KIF13A: variants seen among roughly 807,000 people sequenced by gnomAD.
KIF13A encodes kinesin family member 13A.
In KIF13A, 79 loss-of-function variants were observed where a neutral mutation model predicts 212.2. That is an observed-to-expected ratio of 0.37 (90% CI 0.31 to 0.45). The LOEUF (loss-of-function observed/expected upper bound fraction) is 0.45. Among genes scored for constraint, KIF13A ranks in the 20% least tolerant of loss-of-function variants. The pLI is 1.00. For missense variants in KIF13A, 1,901 were observed against 2,209.0 expected (o/e 0.86, Z 2.79); for synonymous variants, 789 against 808.6 (o/e 0.98, Z 0.41).
chr6:17,922,615 A>G (rs1775174055), intron 2 of KIF13A, among the ~76,000 whole-genome samples: 2 of 151,894 alleles, frequency 1.3e-5, no homozygotes, highest in African/African-American at 4.8e-5. Flanking sequence ...ACTTAAAAAA[A>G]AAAAAAAAAG....
chr6:17,953,225 T>C (rs1778032276), intron 2 of KIF13A, among the ~76,000 whole-genome samples: 1 of 152,092 alleles, frequency 6.6e-6, no homozygotes, highest in African/African-American at 2.4e-5. Flanking sequence ...AAAAGCAGGT[T>C]AGAGAACAGT....
chr6:17,940,585 T>C (rs1202509616), intron 2 of KIF13A, among the ~76,000 whole-genome samples: 4 of 152,180 alleles, frequency 2.6e-5, no homozygotes, highest in African/African-American at 9.7e-5. Context: ...GAATTCCCTG[T>C]TCCCCTTACC....
chr6:17,762,638 T>G (rs1052597029), downstream of KIF13A, among the ~76,000 whole-genome samples: 1 of 152,216 alleles, frequency 6.6e-6, no homozygotes, highest in Non-Finnish European at 1.5e-5. Context: ...CTGGCCTTCT[T>G]GACGAACAAG....
intron 2 of KIF13A, among the ~76,000 whole-genome samples, chr6:17,966,628 T>C (rs574287879): frequency 6.6e-5 from 10 of 152,132 alleles, no homozygotes; most frequent in Non-Finnish European, 1.0e-4. Context: ...CAGTGCTTGA[T>C]GGTTTCAACA....
At chr6:17,948,596 T>C (rs1035626075) in intron 2 of KIF13A, among the ~76,000 whole-genome samples, 2 of 118,650 alleles carry the variant, frequency 1.7e-5, no homozygotes, top group Admixed American at 2.2e-4. Flanking sequence ...CAAGTCTCAC[T>C]CTGTCGTCCA....
chr6:17,980,369 G>A (rs894128730), intron 2 of KIF13A, among the ~76,000 whole-genome samples: 31 of 152,216 alleles, frequency 2.0e-4, no homozygotes, highest in African/African-American at 7.2e-4. Context: ...TCTACAAAAT[G>A]GAGGCAGGAA....
At chr6:17,936,856 T>G (rs1228952227) in intron 2 of KIF13A, among the ~76,000 whole-genome samples, 1 of 151,708 alleles carries the variant, frequency 6.6e-6, no homozygotes, top group Non-Finnish European at 1.5e-5. Context: ...AAAAAATGAG[T>G]AGCAACAACC....
intron 17 of KIF13A, among the ~76,000 whole-genome samples, chr6:17,814,233 G>A (rs1302437745): frequency 7.2e-6 from 1 of 138,456 alleles, no homozygotes; most frequent in East Asian, 2.2e-4. Context: ...TTACAGGCAT[G>A]AGCTACAGTG....
chr6:17,790,204 C>T (rs527296327), intron 25 of KIF13A, among the ~76,000 whole-genome samples: 2 of 152,254 alleles, frequency 1.3e-5, no homozygotes, highest in South Asian at 4.1e-4. Context: ...AAGTTTGAGA[C>T]CCGCCTGGGC....
Position 17,836,821 on chromosome 6 carries a change from A to C in KIF13A, c.1155+57T>G. On this transcript the variant is annotated intron_variant, in intron 11 of 38. Coordinates refer to ENST00000259711, the MANE Select transcript of KIF13A (RefSeq NM_022113.6). Reference sequence around the variant, plus strand: ...AATTGCAAATGAGCACACCCTTGCCAGTCAAATCCCGCAAGCCAGGGAACT... The same window carrying C: ...AATTGCAAATGAGCACACCCTTGCCCGTCAAATCCCGCAAGCCAGGGAACT... The C allele has an allele frequency of 2.0e-6, 3 of 1,491,880 alleles. No homozygotes were observed. The South Asian group carries it at 3.4e-5, about 17-fold the overall frequency. 92.4% of individuals were successfully genotyped at this position (1,491,880 alleles called of 1,614,324 possible).
intron 4 of KIF13A, among the ~76,000 whole-genome samples, chr6:17,863,976 T>C (rs1581568390): frequency 6.6e-6 from 1 of 152,164 alleles, no homozygotes; most frequent in South Asian, 2.1e-4. Context: ...GTGGATCCCA[T>C]AAAAGACGCA....
intron 22 of KIF13A, among the ~76,000 whole-genome samples, chr6:17,798,894 T>C (rs76424969): frequency 0.042 from 6,423 of 152,322 alleles, 337 homozygotes; most frequent in African/African-American, 0.12. Flanking sequence ...TTCTGAAATA[T>C]GTATAATATG....
In KIF13A at chr6:17,789,511, T is replaced by A. The variant is rs1012551226; in HGVS notation, c.3261+361A>T. 6.6e-6 allele frequency among the ~76,000 whole-genome samples: 1 copy of A among 152,178 alleles called. No homozygotes were observed. The highest frequency in any genetic ancestry group is 2.4e-5 in the African/African-American group (1 of 41,434). ...GGATAACTGCAATATTTTAAGATCATCCATTTTTTAAATTAATTAATTAGT... is the reference window on the plus strand; with the variant it reads ...GGATAACTGCAATATTTTAAGATCAACCATTTTTTAAATTAATTAATTAGT... On this transcript the variant is annotated intron_variant, in intron 26 of 38. Coordinates refer to ENST00000259711, the MANE Select transcript of KIF13A (RefSeq NM_022113.6). The surrounding 1 kb of genome is among the most constrained non-coding windows in gnomAD (Gnocchi z 4.8).
chr6:17,779,727 TG>T (rs772653632), intron 31 of KIF13A, 43 bp from the exon 32 acceptor site: 2 of 799,198 alleles, frequency 2.5e-6, no homozygotes, highest in Non-Finnish European at 4.0e-6. Flanking sequence ...ATGTGACAAA[TG>T]TAAGTTATTT....
In KIF13A at chr6:17,951,332, T is replaced by C. The variant is rs765411492; in HGVS notation, c.146+35722A>G. 3.0e-5 allele frequency: 19 copies of C among 632,110 alleles called. No individual in the cohort carries two copies. The highest frequency in any genetic ancestry group is 4.3e-5 in the Non-Finnish European group (15 of 351,478). The allele number at this position is 632,110 out of a possible 1,614,324, so 39.2% of individuals were successfully genotyped here. On this transcript the variant is annotated intron_variant, in intron 2 of 38. Transcript: ENST00000259711. The surrounding 1 kb of genome is among the most constrained non-coding windows in gnomAD (Gnocchi z 4.9). The stretch of plus-strand genomic sequence containing the variant: ...TTTTTGTAGAGATGGGGTTTTGCCA[T>C]GTTGCAAAGGCTGGTCTTGAAATCC...
chr6:17,861,401 T>G (rs1562067644), intron 4 of KIF13A, among the ~76,000 whole-genome samples: 1 of 125,650 alleles, frequency 8.0e-6, no homozygotes, highest in South Asian at 2.5e-4. Context: ...CTTTCCATTG[T>G]ATGAATAATG....
chr6:17,820,978 C>T (rs578214717), intron 16 of KIF13A, among the ~76,000 whole-genome samples: 11 of 152,282 alleles, frequency 7.2e-5, no homozygotes, highest in African/African-American at 2.6e-4. Context: ...CCAGATGGAA[C>T]AAACTGGCAC....
Position 17,849,657 on chromosome 6 carries a change from T to C in KIF13A, c.718-168A>G, listed in dbSNP as rs1019126796. On this transcript the variant is annotated intron_variant, in intron 8 of 38. Transcript: ENST00000259711. The surrounding 1 kb of genome is among the most constrained non-coding windows in gnomAD (Gnocchi z 5.7). ...TTATTTGAACCAGCAATTAATTTCA[T>C]AGTTAACATTTAAATAGGCGTAGAA... Among the ~76,000 whole-genome samples the C allele has an allele frequency of 3.3e-5, 5 of 152,230 alleles. No homozygotes were observed. The highest frequency in any genetic ancestry group is 7.2e-5 in the African/African-American group (3 of 41,470).
In KIF13A at chr6:17,777,192, C is replaced by T; in HGVS notation, c.4170+85G>A. The stretch of plus-strand genomic sequence containing the variant: ...GCCCACACCAGTTCCATAAGCTCTA[C>T]TGCCACTGTGTGAATCCCACCTTCC... On this transcript the variant is annotated intron_variant, in intron 34 of 38. Coordinates refer to ENST00000259711, the MANE Select transcript of KIF13A (RefSeq NM_022113.6). This position sits in a 1 kb window ranked among gnomAD's most constrained non-coding sequence, Gnocchi z 4.4. 1 of 1,046,070 alleles carries T rather than the reference C, an allele frequency of 9.6e-7. No individual in the cohort carries two copies. Among genetic ancestry groups the T allele is most frequent in the Non-Finnish European group, 1.5e-6 (1 of 684,512 alleles). 64.8% of individuals were successfully genotyped at this position (1,046,070 alleles called of 1,614,324 possible). A position where few individuals can be genotyped will look rare whatever the true frequency, so the allele number is the denominator to read the frequency against.
Sources: gnomAD v4.1 joint callset for allele counts (sites outside exome capture counted in the v4.1 genomes callset) on GRCh38, gnomAD v4.1.1 for gene constraint, Gnocchi (gnomAD v3.1) non-coding constraint, MANE v1.5 for transcripts, NCBI Gene and HGNC (gene_info 2026-07-23, HGNC 2026-07-21) for gene names.